Variants in DLGAP5 observed in about 807,000 individuals in gnomAD.
DLGAP5 encodes disks large-associated protein 5.
In DLGAP5, 90 loss-of-function variants were observed where a neutral mutation model predicts 99.6. The ratio of observed to expected loss-of-function variants is 0.90; its 90% CI spans 0.76 to 1.08. The LOEUF is 1.08. Among genes scored for constraint, DLGAP5 ranks in the 50% least tolerant of loss-of-function variants. The probability of loss-of-function intolerance (pLI) is 0.00; values close to 1 mark genes in which losing one functional copy is unlikely to be tolerated. For missense variants in DLGAP5, 1,036 were observed against 983.5 expected (o/e 1.05, Z -0.71); for synonymous variants, 311 against 321.3 (o/e 0.97, Z 0.34).
At chr14:55,150,108 C>A (rs1881965703) in intron 18 of DLGAP5, among the ~76,000 whole-genome samples, 1 of 148,172 alleles carries the variant, frequency 6.7e-6, no homozygotes, top group African/African-American at 2.5e-5. Flanking sequence ...TATATATAAA[C>A]AGCAGGAAAG....
chr14:55,158,521 C>T lies in DLGAP5; in HGVS notation c.1873+1G>A. On this transcript the variant is annotated splice_donor_variant, in intron 14 of 18. Transcript: ENST00000247191. LOFTEE classifies it high-confidence loss of function. ...AAAATAAAAAATCAAAAACAACTAACCTGAGAATAATTTAACAGGACTTTC... is the reference window on the plus strand; with the variant it reads ...AAAATAAAAAATCAAAAACAACTAATCTGAGAATAATTTAACAGGACTTTC... The T allele has an allele frequency of 6.2e-7, 1 of 1,611,920 alleles. No individual in the cohort carries two copies. Among genetic ancestry groups the T allele is most frequent in the Non-Finnish European group, 8.5e-7 (1 of 1,179,038 alleles).
intron 10 of DLGAP5, among the ~76,000 whole-genome samples, chr14:55,174,562 C>T (rs1882988636): frequency 6.6e-6 from 1 of 152,104 alleles, no homozygotes; most frequent in Admixed American, 6.5e-5. Flanking sequence ...TGATGTCTCC[C>T]CCGGATGCCC....
intron 12 of DLGAP5, among the ~76,000 whole-genome samples, chr14:55,165,824 A>G (rs2140314042): frequency 6.6e-6 from 1 of 152,326 alleles, no homozygotes. Context: ...CAAATATCTT[A>G]TTGTACTATA....
At chr14:55,174,296 TG>T (rs1420612605) in intron 10 of DLGAP5, among the ~76,000 whole-genome samples, 1 of 152,186 alleles carries the variant, frequency 6.6e-6, no homozygotes, top group Non-Finnish European at 1.5e-5. Flanking sequence ...TCAGACTGGT[TG>T]ATCTCAAAAC....
chr14:55,156,131 C>A (rs973068080), intron 14 of DLGAP5, among the ~76,000 whole-genome samples: 2 of 151,824 alleles, frequency 1.3e-5, no homozygotes, highest in African/African-American at 4.8e-5. Flanking sequence ...AACCCAATTT[C>A]TACCACATAA....
Position 55,148,398 on chromosome 14 carries a change from C to T in DLGAP5, c.2494G>A (p.Gly832Ser). Residue 832 changes from glycine to serine, a missense_variant, in exon 19 of 19, where the codon GGT becomes AGT. Coordinates refer to ENST00000247191, the MANE Select transcript of DLGAP5 (RefSeq NM_014750.5). ...HQEHARHISF[G>S]GNLITFSPLQ... is the part of the protein sequence containing the mutation. The stretch of plus-strand genomic sequence containing the variant: ...GGTGAAAAAGTAATCAGGTTACCAC[C>T]AAAAGAAATGTGTCTGGCATGTTCT... The T allele has an allele frequency of 6.2e-7, 1 of 1,614,010 alleles. No individual in the cohort carries two copies. The highest frequency in any genetic ancestry group is 8.5e-7 in the Non-Finnish European group (1 of 1,179,978).
chr14:55,186,273 A>AAAAAT, intron 2 of DLGAP5, among the ~76,000 whole-genome samples: 1 of 152,236 alleles, frequency 6.6e-6, no homozygotes, highest in East Asian at 1.9e-4. Flanking sequence ...CTCCGTCTCA[A>AAAAAT]AAAATAAAAA....
chr14:55,180,916 AAACCAGCCTAGGCAACATAGTGAG>A, intron 5 of DLGAP5, 138 bp from the exon 6 acceptor site: 2 of 1,092,680 alleles, frequency 1.8e-6, no homozygotes, highest in Non-Finnish European at 2.6e-6. Context: ...CAGGAGTTCG[AAACCAGCCTAGGCAACATAGTGAG>A]ACCCCGTCTC....
At chr14:55,187,412 G>C (rs369040072) in intron 2 of DLGAP5, among the ~76,000 whole-genome samples, 1 of 149,924 alleles carries the variant, frequency 6.7e-6, no homozygotes, top group African/African-American at 2.5e-5. Flanking sequence ...TCCACCTCCT[G>C]GGTTCAAGCG....
chr14:55,162,219 T>C (rs1882470841), intron 13 of DLGAP5, among the ~76,000 whole-genome samples: 1 of 152,176 alleles, frequency 6.6e-6, no homozygotes, highest in Non-Finnish European at 1.5e-5. Flanking sequence ...GTTGTAAGGA[T>C]TAATATATAT....
intron 2 of DLGAP5, among the ~76,000 whole-genome samples, chr14:55,185,491 G>A (rs930734719): frequency 6.6e-6 from 1 of 151,868 alleles, no homozygotes; most frequent in Non-Finnish European, 1.5e-5. Context: ...GAGCCACCAC[G>A]CCTGGCCTTT....
At chr14:55,180,811 C>T in intron 5 of DLGAP5, 33 bp from the exon 6 acceptor site, 2 of 1,612,702 alleles carry the variant, frequency 1.2e-6, no homozygotes, top group South Asian at 1.1e-5. Flanking sequence ...CATCAAATGT[C>T]CCTTGTAGTT....
In DLGAP5 at chr14:55,169,517, A is replaced by AGTTT. The variant is rs1566500932; in HGVS notation, c.1429_1430insAAAC (p.Leu477GlnfsTer8). ...AAACTGTTTAAACCTTTCCTTCATA[A>AGTTT]GGAGTCTTGTTTGACCAACTGCTGT... On this transcript the variant is annotated frameshift_variant, in exon 12 of 19. Transcript: ENST00000247191. LOFTEE classifies it high-confidence loss of function. The AGTTT allele has an allele frequency of 6.2e-7, 1 of 1,605,190 alleles. No individual in the cohort carries two copies. Among genetic ancestry groups the AGTTT allele is most frequent in the Non-Finnish European group, 8.5e-7 (1 of 1,177,940 alleles).
intron 13 of DLGAP5, among the ~76,000 whole-genome samples, chr14:55,162,359 C>A (rs1476557907): frequency 6.6e-6 from 1 of 152,130 alleles, no homozygotes; most frequent in African/African-American, 2.4e-5. Context: ...GTGGCTCATG[C>A]CTGTAATCCC....
intron 14 of DLGAP5, among the ~76,000 whole-genome samples, chr14:55,155,674 T>C (rs1333194474): frequency 2.6e-5 from 4 of 151,992 alleles, no homozygotes; most frequent in South Asian, 2.1e-4. Flanking sequence ...AGCAGAACTC[T>C]ACAAGGACAA....
chr14:55,177,623 C>T (rs1191658439), intron 7 of DLGAP5, among the ~76,000 whole-genome samples: 3 of 151,752 alleles, frequency 2.0e-5, no homozygotes, highest in Non-Finnish European at 2.9e-5. Flanking sequence ...CTGCAAGCTC[C>T]GCCTCCCGGG....
chr14:55,150,383 C>T (rs2340932), intron 18 of DLGAP5: 10,220 of 157,666 alleles, frequency 0.065, 900 homozygotes, highest in African/African-American at 0.19. Flanking sequence ...GATTTAGAGG[C>T]AAGAGGTCAC....
At chr14:55,186,528 T>C (rs1188007250) in intron 2 of DLGAP5, among the ~76,000 whole-genome samples, 2 of 152,248 alleles carry the variant, frequency 1.3e-5, no homozygotes, top group African/African-American at 2.4e-5. Context: ...CTTCTTTTCA[T>C]GCCATTGTCT....
At chr14:55,148,830 A>G (rs1881915558) in intron 18 of DLGAP5, 4 of 342,590 alleles carry the variant, frequency 1.2e-5, no homozygotes, top group African/African-American at 2.1e-5. Flanking sequence ...TATTCAGAAT[A>G]TATGTACAAA....
Sources: gnomAD v4.1 joint callset for allele counts (sites outside exome capture counted in the v4.1 genomes callset) on GRCh38, gnomAD v4.1.1 for gene constraint, MANE v1.5 for transcripts, NCBI Gene and HGNC (gene_info 2026-07-23, HGNC 2026-07-21) for gene names.